C12orf76: variants seen among roughly 807,000 people sequenced by gnomAD.
C12orf76 encodes uncharacterized protein C12orf76.
In C12orf76, 6 loss-of-function variants were observed where a neutral mutation model predicts 6.8. The ratio of observed to expected loss-of-function variants is 0.88; its 90% confidence interval spans 0.48 to 1.73. The LOEUF is 1.73. C12orf76 is among the 40% of genes most tolerant of loss of function. The pLI, the probability that C12orf76 is intolerant of heterozygous loss-of-function variation, is 0.01. For missense variants in C12orf76, 99 were observed against 98.2 expected, an observed-to-expected ratio of 1.01 and a Z score of -0.03; for synonymous variants, 56 against 43.7, an observed-to-expected ratio of 1.28 and a Z score of -1.11.
exon 2 of C12orf76, chr12:110,065,993 A>T (rs1454084937): frequency 6.2e-7 from 1 of 1,610,508 alleles, no homozygotes; most frequent in South Asian, 1.1e-5. Context: ...GAACTGGGTC[A>T]TCTCTGACCT....
intron 1 of C12orf76, among the ~76,000 whole-genome samples, chr12:110,042,827 G>A (rs767842202): frequency 1.3e-5 from 2 of 152,082 alleles, no homozygotes; most frequent in Non-Finnish European, 1.5e-5. Context: ...GGAGGCCTAG[G>A]TGGGTGGATC....
chr12:110,046,824 T>C (rs1421599639), intron 1 of C12orf76, among the ~76,000 whole-genome samples: 2 of 152,170 alleles, frequency 1.3e-5, no homozygotes, highest in Non-Finnish European at 2.9e-5. Flanking sequence ...AGATTTTGAC[T>C]ATCTTGATTA....
upstream of C12orf76, chr12:110,049,580 C>T (rs367719804): frequency 6.6e-6 from 1 of 152,058 alleles, no homozygotes; most frequent in East Asian, 1.9e-4. Context: ...TTACAAAGTA[C>T]CTTAAGGGTG....
chr12:110,073,014 G>A (rs1367542485), intron 1 of C12orf76, among the ~76,000 whole-genome samples: 1 of 152,038 alleles, frequency 6.6e-6, no homozygotes, highest in Non-Finnish European at 1.5e-5. Context: ...GTGACCTGAA[G>A]TTAAAATACA....
At chr12:110,051,359 G>A, upstream of C12orf76, 2 of 673,840 alleles carry the variant, frequency 3.0e-6, no homozygotes, top group East Asian at 2.7e-5. Flanking sequence ...AATGATATAT[G>A]TCTGCAAACT....
chr12:110,056,500 A>G (rs1892669981), intron 4 of C12orf76, among the ~76,000 whole-genome samples: 1 of 151,908 alleles, frequency 6.6e-6, no homozygotes. Flanking sequence ...AGTCACAGCT[A>G]CTCATTAGGT....
At chr12:110,053,004 C>G (rs576844430), upstream of C12orf76, among the ~76,000 whole-genome samples, 1 of 150,214 alleles carries the variant, frequency 6.7e-6, no homozygotes, top group Non-Finnish European at 1.5e-5. Context: ...AGATCAAGAC[C>G]ATCCTGGCCA....
At chr12:110,060,272 T>C (rs373830136) in intron 2 of C12orf76, among the ~76,000 whole-genome samples, 95 of 152,260 alleles carry the variant, frequency 6.2e-4, no homozygotes, top group Non-Finnish European at 1.2e-3. Flanking sequence ...CACCACTCCA[T>C]GCCTCTCTTC....
At chr12:110,051,842 G>C (rs184530693), upstream of C12orf76, among the ~76,000 whole-genome samples, 1 of 150,678 alleles carries the variant, frequency 6.6e-6, no homozygotes, top group Admixed American at 6.6e-5. Context: ...CAAAGGCTGT[G>C]TCTGGTGCAT....
chr12:110,047,469 G>A (rs752161550), intron 1 of C12orf76, among the ~76,000 whole-genome samples: 1 of 152,074 alleles, frequency 6.6e-6, no homozygotes, highest in Non-Finnish European at 1.5e-5. Flanking sequence ...CAGGAGGATT[G>A]CTTGAGCCCA....
chr12:110,046,819 T>C (rs1892461836), intron 1 of C12orf76, among the ~76,000 whole-genome samples: 2 of 152,166 alleles, frequency 1.3e-5, no homozygotes, highest in African/African-American at 4.8e-5. Context: ...TGGAGAGATT[T>C]TGACTATCTT....
At chr12:110,051,445 TA>T, upstream of C12orf76, 2 of 595,794 alleles carry the variant, frequency 3.4e-6, no homozygotes, top group Middle Eastern at 2.9e-4. Flanking sequence ...TTTTTTTTTT[TA>T]AATGGAGTCT....
At chr12:110,042,709 C>T in intron 1 of C12orf76, 1 of 640,144 alleles carries the variant, frequency 1.6e-6, no homozygotes, top group South Asian at 1.7e-5. Flanking sequence ...GGGATGGAGA[C>T]AGGGTGGGCA....
At chr12:110,068,755 C>T (rs1429490165), upstream of C12orf76, among the ~76,000 whole-genome samples, 2 of 152,186 alleles carry the variant, frequency 1.3e-5, no homozygotes, top group Non-Finnish European at 2.9e-5. Flanking sequence ...ATCCTTCCAG[C>T]CCCAGTAGGG....
In C12orf76 at chr12:110,042,430, G is replaced by T; in HGVS notation, c.163C>A (p.Leu55Met). 1 of 1,614,006 alleles carries T rather than the reference G, an allele frequency of 6.2e-7. No homozygotes were observed. Among genetic ancestry groups the T allele is most frequent in the East Asian group, 2.2e-5 (1 of 44,888 alleles). Residue 55 changes from leucine (L) to methionine (M), a missense_variant, in exon 2 of 2, where the codon CTG becomes ATG. Leu to Met is a conservative substitution (Grantham distance 15, BLOSUM62 2). Coordinates refer to ENST00000615315, the MANE Select transcript of C12orf76 (RefSeq NM_001389625.1). ...VLMGTIFSIL[L>M]VTVILMAFCV... ...AATGCCATAAGGATGACAGTCACCAGCAGGATGCTGAAAATGGTTCCCATC... is the reference window on the plus strand; with the variant it reads ...AATGCCATAAGGATGACAGTCACCATCAGGATGCTGAAAATGGTTCCCATC...
chr12:110,061,417 C>T (rs570676047), intron 2 of C12orf76, among the ~76,000 whole-genome samples: 45 of 152,236 alleles, frequency 3.0e-4, no homozygotes, highest in African/African-American at 1.1e-3. Context: ...CCTCTACTAC[C>T]TCCTCAGTCC....
In C12orf76 at chr12:110,041,203, C is replaced by T. The variant is rs747829059; in HGVS notation, c.*1171G>A. 6 of 152,452 alleles carry T rather than the reference C, an allele frequency of 3.9e-5. No individual in the cohort carries two copies. The highest frequency in any genetic ancestry group is 2.0e-4 in the Admixed American group (3 of 15,276). The allele number at this position is 152,452 out of a possible 1,614,324, so 9.4% of individuals were successfully genotyped here. ...AGGATTTTACTTTAGTTTTAATTGA[C>T]GTTTTGCTCAAAAGCAAAGAACTGA... is the stretch of plus-strand genomic sequence containing the variant. On this transcript the variant is annotated 3_prime_UTR_variant, in exon 2 of 2. Coordinates refer to ENST00000615315, the MANE Select transcript of C12orf76 (RefSeq NM_001389625.1).
chr12:110,048,663 T>G (rs560415921), upstream of C12orf76: 5 of 1,270,946 alleles, frequency 3.9e-6, no homozygotes, highest in Non-Finnish European at 5.0e-6. Flanking sequence ...TTGTTCCGGA[T>G]TAACGTTCCT....
upstream of C12orf76, among the ~76,000 whole-genome samples, chr12:110,068,247 A>AAAGAAGAAGAGGAAG (rs1555253363): frequency 2.8e-4 from 18 of 63,782 alleles, no homozygotes; most frequent in Non-Finnish European, 4.6e-4. Context: ...GAAGAAGAAG[A>AAAGAAGAAGAGGAAG]AAGAAGAAGA....
Sources: allele counts gnomAD v4.1 joint callset (sites outside exome capture counted in the v4.1 genomes callset), GRCh38; gene constraint gnomAD v4.1.1; transcripts MANE v1.5; gene names NCBI Gene and HGNC (gene_info 2026-07-23, HGNC 2026-07-21).